The following NAALADL2 variants were observed in gnomAD, a reference collection of about 807,000 sequenced individuals.
NAALADL2 encodes the protein N-acetylated alpha-linked acidic dipeptidase like 2.
A neutral mutation model predicts 87.2 loss-of-function variants in NAALADL2; 76 were observed. That is an observed-to-expected ratio of 0.87 (90% CI 0.72 to 1.05). The LOEUF is 1.05. Among genes scored for constraint, NAALADL2 ranks in the 50% least tolerant of loss-of-function variants. The pLI is 0.00. For synonymous variants in NAALADL2, 354 were observed against 331.0 expected, an observed-to-expected ratio of 1.07 and a Z score of -0.75; for missense variants, 1,089 against 945.8, an observed-to-expected ratio of 1.15 and a Z score of -1.99.
At chr3:175,623,615 A>G (rs1291262702) in intron 10 of NAALADL2, among the ~76,000 whole-genome samples, 1 of 152,064 alleles carries the variant, frequency 6.6e-6, no homozygotes, top group Admixed American at 6.6e-5. Context: ...AACAGAGAGA[A>G]GAGATGACAG....
intron 10 of NAALADL2, among the ~76,000 whole-genome samples, chr3:175,600,523 G>GTTTTTTT (rs1560828582): frequency 8.6e-5 from 5 of 57,956 alleles, no homozygotes; most frequent in African/African-American, 1.4e-4. Flanking sequence ...ATGTGTCTTA[G>GTTTTTTT]TCTTTTTTTT....
At chr3:175,727,299 C>T (rs1743071011) in intron 11 of NAALADL2, among the ~76,000 whole-genome samples, 1 of 152,088 alleles carries the variant, frequency 6.6e-6, no homozygotes, top group Non-Finnish European at 1.5e-5. Context: ...ACTCTTTCCT[C>T]CGGAGGTATT....
At chr3:175,268,632 TG>T (rs1251928836) in intron 4 of NAALADL2, among the ~76,000 whole-genome samples, 7 of 152,162 alleles carry the variant, frequency 4.6e-5, no homozygotes, top group African/African-American at 1.7e-4. Context: ...TAAAACGCAT[TG>T]CACACCTGAC....
At chr3:175,243,342 A>ACG (rs1747305747) in intron 3 of NAALADL2, among the ~76,000 whole-genome samples, 1 of 150,836 alleles carries the variant, frequency 6.6e-6, no homozygotes, top group Non-Finnish European at 1.5e-5. Context: ...ACACACACAC[A>ACG]CACGCACGCA....
At chr3:174,444,323 CTT>C (rs1714885837) in intron 1 of NAALADL2, among the ~76,000 whole-genome samples, 1 of 152,146 alleles carries the variant, frequency 6.6e-6, no homozygotes. Context: ...GATCCCTTCT[CTT>C]TTCTCATTGT....
At chr3:174,599,953 A>G (rs1158397381) in intron 2 of NAALADL2, among the ~76,000 whole-genome samples, 1 of 152,264 alleles carries the variant, frequency 6.6e-6, no homozygotes, top group East Asian at 1.9e-4. Flanking sequence ...AGAAATGTTT[A>G]CAAGGTTGAG....
intron 11 of NAALADL2, among the ~76,000 whole-genome samples, chr3:175,709,521 C>A (rs948953650): frequency 4.6e-5 from 7 of 152,046 alleles, no homozygotes; most frequent in African/African-American, 1.7e-4. Flanking sequence ...ATTGGTAGCG[C>A]CTGTGAAGAC....
Position 174,577,696 on chromosome 3 carries a change from T to A in NAALADL2, c.-115+27059T>A, listed in dbSNP as rs7430111. 7.9e-5 allele frequency among the ~76,000 whole-genome samples: 12 copies of A among 151,922 alleles called. No individual in the cohort carries two copies. The East Asian group carries it at 2.3e-3, about 29-fold the overall frequency. On this transcript the variant is annotated intron_variant, in intron 2 of 3. Coordinates refer to the NAALADL2 transcript ENST00000434257. The stretch of plus-strand genomic sequence containing the variant: ...AGAGGATGATAATAGAATCCAGAGT[T>A]TTTGCCAGGTATCCTCCACAATTTA...
chr3:174,757,876 G>A (rs534036993), intron 3 of NAALADL2, among the ~76,000 whole-genome samples: 2 of 152,124 alleles, frequency 1.3e-5, no homozygotes, highest in Non-Finnish European at 2.9e-5. Flanking sequence ...AAATACCTGG[G>A]ACATAATGAT....
At chr3:174,442,237 G>T (rs1714708636) in intron 1 of NAALADL2, among the ~76,000 whole-genome samples, 2 of 152,072 alleles carry the variant, frequency 1.3e-5, no homozygotes, top group South Asian at 2.1e-4. Flanking sequence ...TGGGAGAATG[G>T]GGGAGGAAAA....
rs73881435 is a variant in NAALADL2, at chr3:175,186,717, G to T, written c.546-47214G>T. 7.1e-3 allele frequency among the ~76,000 whole-genome samples: 1,073 copies of T among 152,162 alleles called. 8 individuals are homozygous for T. Among genetic ancestry groups the T allele is most frequent in the African/African-American group, 0.024 (1,010 of 41,528 alleles). ...ATTTGTCACACTGTGGTGGTCATGT[G>T]ACCTTTTTGTCACATTGTGAAATTC... On this transcript the variant is annotated intron_variant, in intron 2 of 13. Transcript: ENST00000454872.
At chr3:175,148,799 A>C (rs923532289) in intron 2 of NAALADL2, among the ~76,000 whole-genome samples, 13 of 152,072 alleles carry the variant, frequency 8.5e-5, no homozygotes. Context: ...CCATTGGTCT[A>C]TGTGTCTCTT....
At chr3:175,698,483 T>TTTTTTA (rs1398396262) in intron 11 of NAALADL2, among the ~76,000 whole-genome samples, 1 of 67,774 alleles carries the variant, frequency 1.5e-5, no homozygotes, top group African/African-American at 9.0e-5. Flanking sequence ...GTATATATAT[T>TTTTTTA]TATATATATA....
rs1178340022 is a variant in NAALADL2, at chr3:174,610,793, GAC to G, written c.-115+60157_-115+60158del. ...GGATGTAGAACTAGAAATACCATTTGACCCAGCCATCCCATTACTGGGTATAT... is the reference window on the plus strand; with the variant it reads ...GGATGTAGAACTAGAAATACCATTTGCCAGCCATCCCATTACTGGGTATAT... On this transcript the variant is annotated intron_variant, in intron 2 of 3. Transcript: ENST00000434257. Among the ~76,000 whole-genome samples the G allele has an allele frequency of 1.7e-4, 26 of 152,246 alleles. No individual in the cohort carries two copies. The East Asian group carries it at 4.3e-3, about 25-fold the overall frequency.
At chr3:175,543,872 GA>G (rs1196668586) in intron 9 of NAALADL2, among the ~76,000 whole-genome samples, 1 of 152,124 alleles carries the variant, frequency 6.6e-6, no homozygotes, top group Non-Finnish European at 1.5e-5. Flanking sequence ...TAAGAAGATG[GA>G]AAAAATGTGG....
At chr3:174,527,412 G>C (rs968832040) in intron 1 of NAALADL2, among the ~76,000 whole-genome samples, 1 of 151,764 alleles carries the variant, frequency 6.6e-6, no homozygotes, top group African/African-American at 2.4e-5. Flanking sequence ...CCAGCTACTC[G>C]GGAGGCTGAG....
At chr3:175,539,046 A>G (rs1711809180) in intron 9 of NAALADL2, among the ~76,000 whole-genome samples, 1 of 152,194 alleles carries the variant, frequency 6.6e-6, no homozygotes, top group Admixed American at 6.5e-5. Context: ...CAAAATAAAC[A>G]CAGCATTTGA....
intron 13 of NAALADL2, among the ~76,000 whole-genome samples, chr3:175,762,911 C>A (rs552144113): frequency 2.4e-4 from 36 of 151,998 alleles, no homozygotes; most frequent in Non-Finnish European, 4.3e-4. Context: ...GGTGAAACCC[C>A]GTCTCTACTA....
At chr3:175,725,833 G>T (rs1243881979) in intron 11 of NAALADL2, among the ~76,000 whole-genome samples, 1 of 152,050 alleles carries the variant, frequency 6.6e-6, no homozygotes, top group African/African-American at 2.4e-5. Context: ...TTTATATAAA[G>T]AATTTAGAAT....
Sources: allele counts gnomAD v4.1 joint callset (sites outside exome capture counted in the v4.1 genomes callset), GRCh38; gene constraint gnomAD v4.1.1; transcripts MANE v1.5; gene names NCBI Gene and HGNC (gene_info 2026-07-23, HGNC 2026-07-21).